The following NCAM1 variants were observed in gnomAD, a reference collection of about 807,000 sequenced individuals.
NCAM1 encodes neural cell adhesion molecule 1.
A neutral mutation model predicts 109.8 loss-of-function variants in NCAM1; 14 were observed. The ratio of observed to expected loss-of-function variants is 0.13; its 90% CI spans 0.08 to 0.20. The LOEUF (loss-of-function observed/expected upper bound fraction) is 0.20, where lower values mean the gene tolerates loss of function less well. Ranked by LOEUF, NCAM1 falls within the 10% of genes least tolerant of loss-of-function variation. NCAM1 has a pLI of 1.00. For missense variants in NCAM1, 774 were observed against 1,109.9 expected, an observed-to-expected ratio of 0.70 and a Z score of 4.30; for synonymous variants, 418 against 442.9, an observed-to-expected ratio of 0.94 and a Z score of 0.70.
At chr11:113,026,189 C>CAT (rs1227875851) in intron 1 of NCAM1, among the ~76,000 whole-genome samples, 1 of 152,152 alleles carries the variant, frequency 6.6e-6, no homozygotes. Flanking sequence ...ACATTCCAGA[C>CAT]ATAGCATCTA....
chr11:113,149,314 CAT>C (rs781788204), intron 1 of NCAM1, among the ~76,000 whole-genome samples: 1 of 152,072 alleles, frequency 6.6e-6, no homozygotes, highest in Non-Finnish European at 1.5e-5. Context: ...CAAGAGCAAA[CAT>C]ATGTTGAGGG....
chr11:113,006,695 A>G (rs1314079145), intron 1 of NCAM1, among the ~76,000 whole-genome samples: 4 of 152,156 alleles, frequency 2.6e-5, no homozygotes, highest in Non-Finnish European at 5.9e-5. Flanking sequence ...ATTGAAACAC[A>G]CAAAATCAGA....
At chr11:113,181,155 G>A (rs919753915) in intron 1 of NCAM1, among the ~76,000 whole-genome samples, 2 of 152,180 alleles carry the variant, frequency 1.3e-5, no homozygotes, top group Non-Finnish European at 2.9e-5. Context: ...TCCACTTAGA[G>A]TAATTTGCTA....
At chr11:113,006,731 C>T (rs1555073394) in intron 1 of NCAM1, among the ~76,000 whole-genome samples, 1 of 152,050 alleles carries the variant, frequency 6.6e-6, no homozygotes, top group Non-Finnish European at 1.5e-5. Context: ...GGTGATAAGA[C>T]AAACATAATT....
intron 17 of NCAM1, among the ~76,000 whole-genome samples, chr11:113,267,315 G>A (rs145809749): frequency 6.6e-6 from 1 of 152,322 alleles, no homozygotes; most frequent in Non-Finnish European, 1.5e-5. Context: ...CTGCTGGGAT[G>A]TCCTAGGGGG....
intron 1 of NCAM1, among the ~76,000 whole-genome samples, chr11:113,082,742 A>G (rs1395571892): frequency 2.0e-5 from 3 of 152,176 alleles, no homozygotes; most frequent in African/African-American, 7.2e-5. Context: ...GGTCCCTCAG[A>G]CCTGGCTCGG....
intron 1 of NCAM1, among the ~76,000 whole-genome samples, chr11:113,180,598 G>A (rs782148521): frequency 6.6e-6 from 1 of 152,228 alleles, no homozygotes; most frequent in African/African-American, 2.4e-5. Flanking sequence ...GCAGGAGGCC[G>A]TCTTCCTGTA....
chr11:113,233,244 C>T lies in NCAM1; in HGVS notation c.1620C>T (p.Ile540=). Residue 540 remains isoleucine (I), a synonymous_variant, in exon 13 of 20, where the codon ATC becomes ATT. Coordinates refer to ENST00000316851, the MANE Select transcript of NCAM1 (RefSeq NM_181351.5). The surrounding 1 kb of genome is among the most constrained non-coding windows in gnomAD (Gnocchi z 4.5). Reference sequence around the variant, plus strand: ...CAGAGGCCACAGGTGGGGTGCCCATCCTCAAATACAAAGCTGAGTGGAGAG... The same window carrying T: ...CAGAGGCCACAGGTGGGGTGCCCATTCTCAAATACAAAGCTGAGTGGAGAG... ...DEPEATGGVP[I]LKYKAEWRAV... is the part of the protein sequence containing the mutation. 3 of 1,613,752 alleles carry T rather than the reference C, an allele frequency of 1.9e-6. No homozygotes were observed. Among genetic ancestry groups the T allele is most frequent in the Non-Finnish European group, 2.5e-6 (3 of 1,179,844 alleles).
chr11:113,025,279 G>A (rs1031447845), intron 1 of NCAM1, among the ~76,000 whole-genome samples: 5 of 152,026 alleles, frequency 3.3e-5, no homozygotes, highest in African/African-American at 1.2e-4. Flanking sequence ...CTCATGTGTT[G>A]GGTTATAGCA....
intron 1 of NCAM1, among the ~76,000 whole-genome samples, chr11:112,973,648 G>A (rs558967139): frequency 3.3e-5 from 5 of 152,068 alleles, no homozygotes; most frequent in Non-Finnish European, 5.9e-5. Context: ...AACTAATAGG[G>A]TTATTGTGAG....
At chr11:113,074,113 T>C (rs1458055137) in intron 1 of NCAM1, among the ~76,000 whole-genome samples, 1 of 152,214 alleles carries the variant, frequency 6.6e-6, no homozygotes, top group Non-Finnish European at 1.5e-5. Context: ...ATTTTAAAAT[T>C]ACTTTTTGGT....
intron 7 of NCAM1, among the ~76,000 whole-genome samples, chr11:113,212,697 C>T (rs1555113798): frequency 6.6e-6 from 1 of 152,166 alleles, no homozygotes. Flanking sequence ...TCAGCTCTTA[C>T]TTTACCTTTC....
intron 1 of NCAM1, among the ~76,000 whole-genome samples, chr11:113,105,879 A>G (rs1439098164): frequency 1.3e-5 from 2 of 152,216 alleles, no homozygotes; most frequent in Non-Finnish European, 1.5e-5. Flanking sequence ...AATCTTTAAA[A>G]GGCTGAATCA....
At chr11:113,200,373 C>A (rs1275841641) in intron 1 of NCAM1, among the ~76,000 whole-genome samples, 4 of 152,210 alleles carry the variant, frequency 2.6e-5, no homozygotes, top group African/African-American at 9.6e-5. Context: ...AGGCTCCATG[C>A]TCCCCAAGAT....
rs12294278 is a variant in NCAM1, at chr11:113,081,980, T to C, written c.52+120316T>C. Among the ~76,000 whole-genome samples the C allele has an allele frequency of 9.7e-3, 1,472 of 152,324 alleles. 19 individuals carry two copies. The highest frequency in any genetic ancestry group is 0.033 in the African/African-American group (1,374 of 41,578). On this transcript the variant is annotated intron_variant, in intron 1 of 19. Transcript: ENST00000316851. ...TATGCCATATACAAATATACACACA[T>C]TCTCTTTACACTATATGCACATGAA...
chr11:113,174,968 G>C (rs1448342275), intron 1 of NCAM1, among the ~76,000 whole-genome samples: 3 of 152,148 alleles, frequency 2.0e-5, no homozygotes, highest in South Asian at 2.1e-4. Flanking sequence ...GTATATATGT[G>C]TGGAATTTGT....
At chr11:113,024,945 A>G (rs1418426650) in intron 1 of NCAM1, among the ~76,000 whole-genome samples, 3 of 152,234 alleles carry the variant, frequency 2.0e-5, no homozygotes, top group Non-Finnish European at 4.4e-5. Flanking sequence ...CCATCTGTTC[A>G]TTTGCCAGGT....
intron 1 of NCAM1, among the ~76,000 whole-genome samples, chr11:113,131,354 C>G (rs1291895645): frequency 6.6e-6 from 1 of 152,108 alleles, no homozygotes; most frequent in Non-Finnish European, 1.5e-5. Context: ...CTGTCCCACC[C>G]CAAAAGATAG....
chr11:113,217,199 C>T (rs1944555530), intron 8 of NCAM1, among the ~76,000 whole-genome samples: 1 of 152,170 alleles, frequency 6.6e-6, no homozygotes, highest in Non-Finnish European at 1.5e-5. Context: ...GCCTAGCATC[C>T]TTGCCAGGAA....
Sources: gnomAD v4.1 joint callset for allele counts (sites outside exome capture counted in the v4.1 genomes callset) on GRCh38, gnomAD v4.1.1 for gene constraint, Gnocchi (gnomAD v3.1) non-coding constraint, MANE v1.5 for transcripts, NCBI Gene and HGNC (gene_info 2026-07-23, HGNC 2026-07-21) for gene names.